The following CREBBP variants were observed in gnomAD, a reference collection of about 807,000 sequenced individuals.
CREBBP encodes the protein CREB-binding protein.
Under a neutral mutation model 265.0 loss-of-function variants are expected in CREBBP, and 19 were observed. That is an observed-to-expected ratio of 0.07 (90% CI 0.05 to 0.11). The LOEUF (loss-of-function observed/expected upper bound fraction) is 0.11, where lower values mean the gene tolerates loss of function less well. CREBBP is among the 10% of genes least tolerant of loss of function. The pLI is 1.00. For missense variants in CREBBP, 2,525 were observed against 3,219.0 expected (o/e 0.78, Z 5.22); for synonymous variants, 1,457 against 1,223.7 (o/e 1.19, Z -3.98).
rs560748192 is a variant in CREBBP, at chr16:3,777,500, A to G, written c.2158+113T>C. ...GAATTCTGCTTATCAGCAAAAAGGA[A>G]TGGAAAGAAGAAAGGGTTAGAAAGA... On this transcript the variant is annotated intron_variant, in intron 11 of 30. Transcript: ENST00000262367. 6.2e-6 allele frequency: 7 copies of G among 1,127,546 alleles called. No individual in the cohort carries two copies. The South Asian group carries it at 7.5e-5, about 12-fold the overall frequency. The allele number at this position is 1,127,546 out of a possible 1,614,324, so 69.8% of individuals were successfully genotyped here.
At chr16:3,800,482 G>C (rs2053691105) in intron 3 of CREBBP, among the ~76,000 whole-genome samples, 1 of 151,942 alleles carries the variant, frequency 6.6e-6, no homozygotes, top group Non-Finnish European at 1.5e-5. Flanking sequence ...AGCCTGCTTT[G>C]TTTTTTTAAT....
chr16:3,820,692 C>T (rs1250959399), intron 2 of CREBBP, among the ~76,000 whole-genome samples: 1 of 152,164 alleles, frequency 6.6e-6, no homozygotes, highest in South Asian at 2.1e-4. Context: ...AGCAAAACCC[C>T]CTTCTCTACA....
At chr16:3,816,551 T>A (rs1222468148) in intron 2 of CREBBP, among the ~76,000 whole-genome samples, 1 of 152,132 alleles carries the variant, frequency 6.6e-6, no homozygotes, top group African/African-American at 2.4e-5. Flanking sequence ...ATCCATTAAA[T>A]CCTGTGGCTG....
At chr16:3,747,013 G>T (rs1329921489) in intron 21 of CREBBP, among the ~76,000 whole-genome samples, 1 of 151,898 alleles carries the variant, frequency 6.6e-6, no homozygotes, top group Non-Finnish European at 1.5e-5. Flanking sequence ...CATCCATTTT[G>T]AATTTCCCCC....
intron 2 of CREBBP, among the ~76,000 whole-genome samples, chr16:3,814,970 C>T (rs1337292235): frequency 6.6e-6 from 1 of 152,216 alleles, no homozygotes; most frequent in Non-Finnish European, 1.5e-5. Context: ...CCAGGCAAGG[C>T]TACCTCCTGG....
intron 2 of CREBBP, among the ~76,000 whole-genome samples, chr16:3,837,332 C>G (rs1318734054): frequency 6.6e-6 from 1 of 152,082 alleles, no homozygotes; most frequent in African/African-American, 2.4e-5. Flanking sequence ...AATTAAAGAA[C>G]TGGCCGGGCG....
At chr16:3,824,682 C>T (rs561103163) in intron 2 of CREBBP, among the ~76,000 whole-genome samples, 3 of 152,330 alleles carry the variant, frequency 2.0e-5, no homozygotes, top group Admixed American at 6.5e-5. Context: ...CCACACGCGG[C>T]GGCAGCAGCA....
chr16:3,731,499 C>T lies in CREBBP; in HGVS notation c.4891-26G>A. 6.4e-7 allele frequency: 1 copy of T among 1,564,170 alleles called. No individual in the cohort carries two copies. The highest frequency in any genetic ancestry group is 8.6e-7 in the Non-Finnish European group (1 of 1,157,700). On this transcript the variant is annotated intron_variant, in intron 29 of 30. Transcript: ENST00000262367. This position sits in a 1 kb window ranked among gnomAD's most constrained non-coding sequence, Gnocchi z 7.7. Reference sequence around the variant, plus strand: ...CTGCAGGAGAGGAGGGGCTTTAGTCCCACACAAGGGACATGGCACCTCCAG... The same window carrying T: ...CTGCAGGAGAGGAGGGGCTTTAGTCTCACACAAGGGACATGGCACCTCCAG...
At chr16:3,763,500 G>T (rs1249489914) in intron 16 of CREBBP, among the ~76,000 whole-genome samples, 2 of 152,106 alleles carry the variant, frequency 1.3e-5, no homozygotes, top group African/African-American at 4.8e-5. Flanking sequence ...CTCTCTTGTT[G>T]CCCAGGCTGG....
At chr16:3,797,775 T>C (rs748984976) in intron 3 of CREBBP, among the ~76,000 whole-genome samples, 7 of 144,374 alleles carry the variant, frequency 4.8e-5, no homozygotes, top group Non-Finnish European at 1.1e-4. Flanking sequence ...CCCTTTTATT[T>C]AAAAAAAAAA....
intron 2 of CREBBP, among the ~76,000 whole-genome samples, chr16:3,842,028 G>A (rs1235226668): frequency 6.6e-6 from 1 of 152,008 alleles, no homozygotes; most frequent in Non-Finnish European, 1.5e-5. Context: ...TTTTACTCCA[G>A]GAACACCTCC....
chr16:3,879,061 A>G (rs1332924447), intron 1 of CREBBP, among the ~76,000 whole-genome samples: 2 of 152,192 alleles, frequency 1.3e-5, no homozygotes, highest in African/African-American at 4.8e-5. Flanking sequence ...CTGTGAAAGC[A>G]ACACAAACTC....
rs561743326 is a variant in CREBBP, at chr16:3,856,158, G to C, written c.86-5149C>G. Among the ~76,000 whole-genome samples, 7 of 152,242 alleles carry C rather than the reference G, an allele frequency of 4.6e-5. 1 individual carries two copies. Among genetic ancestry groups the C allele is most frequent in the African/African-American group, 1.7e-4 (7 of 41,530 alleles). On this transcript the variant is annotated intron_variant, in intron 1 of 30. Transcript: ENST00000262367. The stretch of plus-strand genomic sequence containing the variant: ...TTTTATTTTATGTTTTAGAGATAGG[G>C]TCTTGCTCTGTCACCTCTGTGCAAT...
At position 3,850,680 on chromosome 16, in the gene CREBBP, T is replaced by C. The variant is rs2054814094; in HGVS notation, c.415A>G (p.Ser139Gly). 1.2e-6 allele frequency: 2 copies of C among 1,614,082 alleles called. No individual in the cohort carries two copies. Among genetic ancestry groups the C allele is most frequent in the Non-Finnish European group, 1.7e-6 (2 of 1,180,058 alleles). ...GCAGCGGGGGTGGGCCCAGAGGTGCTGGCTGCCTGTTTAGGCAGGCTGGGG... is the reference window on the plus strand; with the variant it reads ...GCAGCGGGGGTGGGCCCAGAGGTGCCGGCTGCCTGTTTAGGCAGGCTGGGG... ...SAPSLPKQAA[S>G]TSGPTPAASQ... The change falls in exon 2 of 31, where the codon AGC (serine) becomes GGC (glycine). Residue 139 changes from serine (S) to glycine (G), a missense_variant. Ser to Gly is a moderately conservative substitution (Grantham distance 56). Around this residue, in one of 19 missense-constraint regions of CREBBP, gnomAD observed 356 missense variants for 340.4 expected, o/e 1.05. Coordinates refer to ENST00000262367, the MANE Select transcript of CREBBP (RefSeq NM_004380.3).
intron 3 of CREBBP, among the ~76,000 whole-genome samples, chr16:3,806,359 G>A (rs144655681): frequency 6.6e-5 from 10 of 151,828 alleles, no homozygotes; most frequent in African/African-American, 2.2e-4. Flanking sequence ...ACAACAAATC[G>A]TAACATCACT....
At chr16:3,759,106 C>G (rs1298754584) in intron 16 of CREBBP, 134 bp from the exon 17 acceptor site, 1 of 744,964 alleles carries the variant, frequency 1.3e-6, no homozygotes, top group Non-Finnish European at 2.4e-6. Context: ...GGGCTCTCGT[C>G]CATCACCGTT....
chr16:3,814,592 G>C (rs2054003387), intron 2 of CREBBP, among the ~76,000 whole-genome samples: 1 of 152,030 alleles, frequency 6.6e-6, no homozygotes, highest in Non-Finnish European at 1.5e-5. Context: ...CCCAGTGTTT[G>C]GAAGCGCTCT....
intron 1 of CREBBP, among the ~76,000 whole-genome samples, chr16:3,872,619 C>G (rs148763802): frequency 5.3e-5 from 8 of 152,192 alleles, no homozygotes; most frequent in African/African-American, 1.7e-4. Flanking sequence ...GAAAAGACCT[C>G]AGAGAGGACT....
rs2054747128 is a variant in CREBBP at position 3,849,424 on chromosome 16, T to TGG, written c.798+872_798+873insCC. 8.1e-4 allele frequency among the ~76,000 whole-genome samples: 6 copies of TGG among 7,400 alleles called. No individual in the cohort carries two copies. The Non-Finnish European group carries it at 8.5e-3, about 10-fold the overall frequency. The allele number at this position is 7,400 out of a possible 152,430, so 4.9% of individuals were successfully genotyped here. On this transcript the variant is annotated intron_variant, in intron 2 of 30. Transcript: ENST00000262367. The stretch of plus-strand genomic sequence containing the variant: ...GTGTGTGTGTGTGTGTGTGTGTGTG[T>TGG]GTGTGTGTGTGTGTGTGTGTGTGTG...
Sources: gnomAD v4.1 joint callset for allele counts (sites outside exome capture counted in the v4.1 genomes callset) on GRCh38, gnomAD v4.1.1 for gene constraint, gnomAD v4.1.1 regional missense constraint, Gnocchi (gnomAD v3.1) non-coding constraint, MANE v1.5 for transcripts, NCBI Gene and HGNC (gene_info 2026-07-23, HGNC 2026-07-21) for gene names.